Variants in TOP1MT observed in about 807,000 individuals in gnomAD.
The protein encoded by TOP1MT is DNA topoisomerase I, mitochondrial.
A neutral mutation model predicts 73.9 loss-of-function variants in TOP1MT; 80 were observed. That is an observed-to-expected ratio of 1.08 (90% CI 0.90 to 1.30). The LOEUF is 1.30. Ranked by LOEUF, TOP1MT falls within the 50% of genes most tolerant of loss-of-function variation. The pLI is 0.00. For missense variants in TOP1MT, 815 were observed against 808.0 expected (o/e 1.01, Z -0.10); for synonymous variants, 338 against 326.4 (o/e 1.04, Z -0.38).
At chr8:143,342,745 C>CTATTATTATTATTATTAT (rs1248774108) in intron 2 of TOP1MT, among the ~76,000 whole-genome samples, 3 of 122,038 alleles carry the variant, frequency 2.5e-5, no homozygotes, top group African/African-American at 8.6e-5. Flanking sequence ...GAGTCTCGCT[C>CTATTATTATTATTATTAT]TGTTATTATT....
chr8:143,347,407 G>A (rs1817243884), upstream of TOP1MT, among the ~76,000 whole-genome samples: 1 of 151,928 alleles, frequency 6.6e-6, no homozygotes, highest in Non-Finnish European at 1.5e-5. Flanking sequence ...CGCCCGCCTT[G>A]GCCTCCCAGA....
At position 143,323,706 on chromosome 8, in the gene TOP1MT, A is replaced by G. The variant is rs555257511; in HGVS notation, c.960+293T>C. Among the ~76,000 whole-genome samples the G allele has an allele frequency of 2.2e-4, 12 of 54,376 alleles. 1 individual carries two copies. The highest frequency in any genetic ancestry group is 1.9e-4 in the Non-Finnish European group (4 of 21,252). 35.7% of individuals were successfully genotyped at this position (54,376 alleles called of 152,430 possible). Reference sequence around the variant, plus strand: ...ACATGCACGCCACACACACAGGCACACCACACACATGCACGCCACACACAC... The same window carrying G: ...ACATGCACGCCACACACACAGGCACGCCACACACATGCACGCCACACACAC... On this transcript the variant is annotated intron_variant, in intron 7 of 13. Transcript: ENST00000329245.
chr8:143,341,957 TTATTA>T lies in TOP1MT; in HGVS notation c.29+1258_29+1262del, dbSNP rs1817094250. On this transcript the variant is annotated intron_variant, in intron 2 of 5. Coordinates refer to the TOP1MT transcript ENST00000518007. This position sits in a 1 kb window ranked among gnomAD's most constrained non-coding sequence, Gnocchi z 4.1. ...ACAGAGTCTCGCTCTGTTATTATTA[TTATTA>T]GAGACAGAGTCTCGCTGTTATTATT... Among the ~76,000 whole-genome samples, 1 of 146,328 alleles carries T rather than the reference TTATTA, an allele frequency of 6.8e-6. No homozygotes were observed. The highest frequency in any genetic ancestry group is 2.3e-4 in the South Asian group (1 of 4,332).
At chr8:143,353,247 T>A (rs1372979285) in intron 1 of TOP1MT, among the ~76,000 whole-genome samples, 1 of 152,048 alleles carries the variant, frequency 6.6e-6, no homozygotes, top group East Asian at 1.9e-4. Flanking sequence ...AGACCCCATC[T>A]CTACCAAAAA....
chr8:143,315,303 A>C (rs533658173), intron 12 of TOP1MT, among the ~76,000 whole-genome samples: 3 of 151,998 alleles, frequency 2.0e-5, no homozygotes, highest in African/African-American at 7.2e-5. Context: ...TAGCAGTAGA[A>C]AATTAGTGAA....
At chr8:143,315,348 C>A (rs189693600) in intron 12 of TOP1MT, among the ~76,000 whole-genome samples, 1 of 152,156 alleles carries the variant, frequency 6.6e-6, no homozygotes. Flanking sequence ...GAAATAATGG[C>A]GTAAACTGTT....
At chr8:143,318,157 C>A in intron 8 of TOP1MT, 71 bp from the exon 9 acceptor site, 1 of 1,477,614 alleles carries the variant, frequency 6.8e-7, no homozygotes, top group Admixed American at 1.7e-5. Context: ...AGGGCGTCTA[C>A]GCAGAGCCTG....
intron 8 of TOP1MT, 149 bp from the exon 9 acceptor site, chr8:143,318,235 C>T: frequency 1.5e-6 from 1 of 658,260 alleles, no homozygotes. Context: ...TCGGCATCCT[C>T]CCGTGACACG....
At position 143,309,555 on chromosome 8, in the gene TOP1MT, A is replaced by T; in HGVS notation, c.1704-12T>A. On this transcript the variant is annotated splice_polypyrimidine_tract_variant and intron_variant, in intron 13 of 13. Coordinates refer to ENST00000329245, the MANE Select transcript of TOP1MT (RefSeq NM_052963.3). Reference sequence around the variant, plus strand: ...TGAACCGCTTGCACCTGCGGGAGGCAGCATCAGCCCAGGCAAGCAGGCAAC... The same window carrying T: ...TGAACCGCTTGCACCTGCGGGAGGCTGCATCAGCCCAGGCAAGCAGGCAAC... 1 of 1,613,422 alleles carries T rather than the reference A, an allele frequency of 6.2e-7. No homozygotes were observed. Among genetic ancestry groups the T allele is most frequent in the Non-Finnish European group, 8.5e-7 (1 of 1,179,936 alleles).
intron 3 of TOP1MT, chr8:143,328,302 G>A (rs921883903): frequency 2.2e-5 from 10 of 454,688 alleles, no homozygotes; most frequent in South Asian, 3.1e-5. Flanking sequence ...CAGCATGTGC[G>A]TCTGGCAAAG....
intron 8 of TOP1MT, among the ~76,000 whole-genome samples, chr8:143,320,884 CT>C (rs139095667): frequency 0.02 from 2,971 of 152,312 alleles, 99 homozygotes; most frequent in African/African-American, 0.068. Context: ...CAATAAACGT[CT>C]GTTAAACCAC....
Position 143,321,516 on chromosome 8 carries a change from CCACACACGCACGCCA to C in TOP1MT, c.961-145_961-131del, listed in dbSNP as rs1376292292. The C allele has an allele frequency of 1.6e-4, 114 of 694,978 alleles. 1 individual carries two copies. Among genetic ancestry groups the C allele is most frequent in the South Asian group, 6.6e-4 (34 of 51,528 alleles). 43.1% of individuals were successfully genotyped at this position (694,978 alleles called of 1,614,324 possible). On this transcript the variant is annotated intron_variant, in intron 7 of 13. Transcript: ENST00000329245. ...CACACGCACGCCACACACACGCACT[CCACACACGCACGCCA>C]CACACACGCACGCCACACACGCACG...
At chr8:143,334,959 C>A (rs1197115404), upstream of TOP1MT, 1 of 1,146,098 alleles carries the variant, frequency 8.7e-7, no homozygotes, top group Non-Finnish European at 1.0e-6. Context: ...GCGCGGCCTC[C>A]GCCCCCAGCG....
rs762232100 is a variant in TOP1MT at position 143,324,574 on chromosome 8, C to T, written c.727G>A (p.Asp243Asn). 54 of 1,613,638 alleles carry T rather than the reference C, an allele frequency of 3.3e-5. No homozygotes were observed. The East Asian group carries it at 6.9e-4, about 21-fold the overall frequency. The change falls in exon 6 of 14, where the codon GAT becomes AAT. Residue 243 changes from aspartate (D) to asparagine (N), a missense_variant. Around this residue, in one of 3 missense-constraint regions of TOP1MT, gnomAD observed 751 missense variants for 725.4 expected, o/e 1.04. Transcript: ENST00000329245. ...AGHQWKEVRS[D>N]NTVTWLAAWT... Reference sequence around the variant, plus strand: ...GCTGCCAGCCACGTGACGGTGTTATCGGAGCGCACCTCCTTCCACTGGTGC... The same window carrying T: ...GCTGCCAGCCACGTGACGGTGTTATTGGAGCGCACCTCCTTCCACTGGTGC...
chr8:143,336,078 G>A (rs1342358003), upstream of TOP1MT, among the ~76,000 whole-genome samples: 4 of 152,266 alleles, frequency 2.6e-5, no homozygotes, highest in Non-Finnish European at 5.9e-5. Context: ...CAAACCAGAA[G>A]AGGGCCTTGG....
In TOP1MT at chr8:143,324,420, C is replaced by T. The variant is rs1816647670; in HGVS notation, c.816+65G>A. ...CTCTGCCGGTGCCCGGCTTACACAC[C>T]TCCCTGCCGGCGTCCTCAGGGGGAC... is the stretch of plus-strand genomic sequence containing the variant. On this transcript the variant is annotated intron_variant, in intron 6 of 13. Coordinates refer to ENST00000329245, the MANE Select transcript of TOP1MT (RefSeq NM_052963.3). 1.9e-6 allele frequency: 3 copies of T among 1,608,554 alleles called. 1 individual carries two copies. In the Middle Eastern group the frequency reaches 5.0e-4, roughly 269 times the overall value.
intron 1 of TOP1MT, chr8:143,350,285 A>G (rs1817298874): frequency 6.6e-6 from 1 of 152,218 alleles, no homozygotes; most frequent in Non-Finnish European, 1.5e-5. Context: ...AAACAATTAA[A>G]GAACACAACC....
At chr8:143,323,899 CCA>C in intron 7 of TOP1MT, 98 bp downstream of exon 7, 1 of 1,400,842 alleles carries the variant, frequency 7.1e-7, no homozygotes. Context: ...AGGTTCCACC[CCA>C]CACACAGGCC....
chr8:143,359,591 G>C (rs1424123915), upstream of TOP1MT, among the ~76,000 whole-genome samples: 1 of 149,496 alleles, frequency 6.7e-6, no homozygotes, highest in Non-Finnish European at 1.5e-5. Context: ...AGCGAAGGGG[G>C]AAGAGAACAA....
Sources: allele counts gnomAD v4.1 joint callset (sites outside exome capture counted in the v4.1 genomes callset), GRCh38; gene constraint gnomAD v4.1.1; regional missense constraint gnomAD v4.1.1; non-coding constraint Gnocchi (gnomAD v3.1); transcripts MANE v1.5; gene names NCBI Gene and HGNC (gene_info 2026-07-23, HGNC 2026-07-21).